Variants in GPR39 observed in about 807,000 individuals in gnomAD.
The protein encoded by GPR39 is G protein-coupled receptor 39.
GPR39 carries 23 observed loss-of-function variants against 18.4 expected under a neutral mutation model. The observed-to-expected ratio is 1.25, with a 90% confidence interval of 0.90 to 1.77. The LOEUF is 1.77. Among genes scored for constraint, GPR39 ranks in the 40% most tolerant of loss-of-function variants. GPR39 has a pLI of 0.00. For synonymous variants in GPR39, 280 were observed against 257.9 expected, an observed-to-expected ratio of 1.09 and a Z score of -0.82; for missense variants, 647 against 602.4, an observed-to-expected ratio of 1.07 and a Z score of -0.78.
Position 132,417,213 on chromosome 2 carries a change from G to A in GPR39, c.171G>A (p.Val57=). The change falls in exon 1 of 2, where the codon GTG becomes GTA. Residue 57 remains valine (V), a synonymous_variant. Coordinates refer to ENST00000329321, the MANE Select transcript of GPR39 (RefSeq NM_001508.3). ...GCGCCACCATTCGGGTCACCCAGGT[G>A]CTGCAGAAGAAAGGATACTTGCAGA... The part of the protein sequence containing the change: ...GNSATIRVTQ[V]LQKKGYLQKE... 1.2e-6 allele frequency: 2 copies of A among 1,614,190 alleles called. No homozygotes were observed. Among genetic ancestry groups the A allele is most frequent in the East Asian group, 4.5e-5 (2 of 44,872 alleles).
At chr2:132,472,866 G>A (rs1238265006) in intron 1 of GPR39, among the ~76,000 whole-genome samples, 3 of 152,036 alleles carry the variant, frequency 2.0e-5, no homozygotes, top group African/African-American at 7.2e-5. Flanking sequence ...CTAGAACTCA[G>A]TAACACAAGG....
intron 1 of GPR39, among the ~76,000 whole-genome samples, chr2:132,467,050 AGTTGTAGG>A (rs1680940006): frequency 6.6e-6 from 1 of 152,140 alleles, no homozygotes; most frequent in Non-Finnish European, 1.5e-5. Flanking sequence ...CCCTAGTAGG[AGTTGTAGG>A]CAGTGAAGAA....
At chr2:132,510,831 C>T (rs1012528829) in intron 1 of GPR39, among the ~76,000 whole-genome samples, 1 of 152,174 alleles carries the variant, frequency 6.6e-6, no homozygotes, top group Admixed American at 6.5e-5. Flanking sequence ...TCAAGATGAT[C>T]TTTACCTGAT....
intron 1 of GPR39, among the ~76,000 whole-genome samples, chr2:132,428,096 G>A (rs1365079060): frequency 6.6e-6 from 1 of 151,736 alleles, no homozygotes; most frequent in African/African-American, 2.4e-5. Context: ...ATCCTCTAGA[G>A]AAGATGAAAA....
intron 1 of GPR39, among the ~76,000 whole-genome samples, chr2:132,522,351 A>C (rs1679440130): frequency 6.6e-6 from 1 of 152,214 alleles, no homozygotes; most frequent in Non-Finnish European, 1.5e-5. Flanking sequence ...GCCTCCCTAC[A>C]GCCCCCTTGA....
chr2:132,505,895 C>G (rs1264633528), intron 1 of GPR39, among the ~76,000 whole-genome samples: 2 of 152,190 alleles, frequency 1.3e-5, no homozygotes, highest in Admixed American at 6.5e-5. Context: ...ACACCAACTT[C>G]TGTTCCTTTG....
At chr2:132,423,573 C>T (rs986555389) in intron 1 of GPR39, among the ~76,000 whole-genome samples, 3 of 152,150 alleles carry the variant, frequency 2.0e-5, no homozygotes, top group Non-Finnish European at 4.4e-5. Context: ...TGGGTTGTTT[C>T]CTCTGCCTGG....
chr2:132,417,481 T>A lies in GPR39; in HGVS notation c.439T>A (p.Ser147Thr), dbSNP rs769912103. The change falls in exon 1 of 2, where the codon TCG (serine) becomes ACG (threonine). Residue 147 changes from serine to threonine, a missense_variant. Ser to Thr is a moderately conservative substitution (Grantham distance 58). Transcript: ENST00000329321. Reference sequence around the variant, plus strand: ...TCACCCCTTCAGGTACAAGGCTGTGTCGGGACCTTGCCAGGTGAAGCTGCT... The same window carrying A: ...TCACCCCTTCAGGTACAAGGCTGTGACGGGACCTTGCCAGGTGAAGCTGCT... ...ICHPFRYKAV[S>T]GPCQVKLLIG... 82 of 1,614,162 alleles carry A rather than the reference T, an allele frequency of 5.1e-5. No individual in the cohort carries two copies. Among genetic ancestry groups the A allele is most frequent in the Non-Finnish European group, 6.8e-5 (80 of 1,180,026 alleles).
At chr2:132,549,999 G>A (rs1453168841) in intron 1 of GPR39, among the ~76,000 whole-genome samples, 1 of 146,180 alleles carries the variant, frequency 6.8e-6, no homozygotes, top group Non-Finnish European at 1.5e-5. Flanking sequence ...TGTGTGAGTT[G>A]GTGGGAGACC....
intron 1 of GPR39, among the ~76,000 whole-genome samples, chr2:132,621,516 C>T (rs1372674088): frequency 1.3e-5 from 2 of 152,240 alleles, no homozygotes; most frequent in Non-Finnish European, 2.9e-5. Flanking sequence ...CTACCATCAG[C>T]ACTGCCAGCT....
rs74533923 is a variant in GPR39 at position 132,596,081 on chromosome 2, G to A, written c.857-49020G>A. On this transcript the variant is annotated intron_variant, in intron 1 of 1. Coordinates refer to ENST00000329321, the MANE Select transcript of GPR39 (RefSeq NM_001508.3). ...CCAAGCTGGCCTGCACCCCAGCACA[G>A]TGCAGGGAAGAACATCTTCAGGGTG... Among the ~76,000 whole-genome samples, 11 of 152,262 alleles carry A rather than the reference G, an allele frequency of 7.2e-5. No individual in the cohort carries two copies. The East Asian group carries it at 2.1e-3, about 29-fold the overall frequency.
chr2:132,456,026 G>A (rs935615400), intron 1 of GPR39, among the ~76,000 whole-genome samples: 2 of 152,122 alleles, frequency 1.3e-5, no homozygotes, highest in African/African-American at 4.8e-5. Context: ...TCAAGTCCTG[G>A]ATATCCTTGT....
chr2:132,451,785 G>T (rs1012078252), intron 1 of GPR39, among the ~76,000 whole-genome samples: 1 of 151,828 alleles, frequency 6.6e-6, no homozygotes, highest in African/African-American at 2.4e-5. Context: ...TTCCCCTTCT[G>T]TTAGTTATAT....
chr2:132,462,550 A>G (rs886984052), intron 1 of GPR39, among the ~76,000 whole-genome samples: 3 of 152,218 alleles, frequency 2.0e-5, no homozygotes, highest in African/African-American at 7.2e-5. Flanking sequence ...GCTTAATGTT[A>G]CATCTTACAC....
intron 1 of GPR39, among the ~76,000 whole-genome samples, chr2:132,640,053 A>G (rs1255990875): frequency 1.3e-5 from 2 of 152,194 alleles, no homozygotes; most frequent in East Asian, 3.9e-4. Context: ...CATGTGTAAG[A>G]CAAGGGAGTT....
At chr2:132,482,613 T>G (rs145625767) in intron 1 of GPR39, among the ~76,000 whole-genome samples, 344 of 152,246 alleles carry the variant, frequency 2.3e-3, no homozygotes, top group African/African-American at 8.1e-3. Context: ...GGGGAGGAAT[T>G]GTGGCAGCCA....
At chr2:132,476,850 G>A (rs766471619) in intron 1 of GPR39, among the ~76,000 whole-genome samples, 35 of 152,028 alleles carry the variant, frequency 2.3e-4, no homozygotes, top group Non-Finnish European at 3.7e-4. Context: ...ACAGTCATTC[G>A]TGGGAAGGAA....
intron 1 of GPR39, among the ~76,000 whole-genome samples, chr2:132,472,916 A>G (rs186148298): frequency 6.6e-5 from 10 of 152,110 alleles, no homozygotes; most frequent in Admixed American, 2.6e-4. Flanking sequence ...CTTGATTAAG[A>G]ACTCTCTAGG....
At chr2:132,435,892 T>C (rs991101124) in intron 1 of GPR39, among the ~76,000 whole-genome samples, 3 of 152,178 alleles carry the variant, frequency 2.0e-5, no homozygotes, top group Non-Finnish European at 4.4e-5. Flanking sequence ...TAAAGATGCA[T>C]GGACATTTGC....
Sources: allele counts gnomAD v4.1 joint callset (sites outside exome capture counted in the v4.1 genomes callset), GRCh38; gene constraint gnomAD v4.1.1; transcripts MANE v1.5; gene names NCBI Gene and HGNC (gene_info 2026-07-23, HGNC 2026-07-21).